The following ST3GAL2 variants were observed in gnomAD, a reference collection of about 807,000 sequenced individuals.
ST3GAL2 encodes the protein ST3 beta-galactoside alpha-2,3-sialyltransferase 2, also known as CMP-N-acetylneuraminate-beta-galactosamide-alpha-2,3-sialyltransferase 2.
ST3GAL2 carries 16 observed loss-of-function variants against 37.5 expected under a neutral mutation model. The observed-to-expected ratio is 0.43, with a 90% CI of 0.29 to 0.65. The LOEUF is 0.65. Ranked by LOEUF, ST3GAL2 falls within the 30% of genes least tolerant of loss-of-function variation. The pLI, the probability that ST3GAL2 is intolerant of heterozygous loss-of-function variation, is 0.17. For missense variants in ST3GAL2, 383 were observed against 487.8 expected (o/e 0.79, Z 2.02); for synonymous variants, 238 against 202.9 (o/e 1.17, Z -1.47).
At chr16:70,392,415 C>T (rs1290130580) in intron 3 of ST3GAL2, among the ~76,000 whole-genome samples, 1 of 152,224 alleles carries the variant, frequency 6.6e-6, no homozygotes, top group East Asian at 1.9e-4. Context: ...CCTCCAGCAG[C>T]TAAAGAAGTA....
intron 3 of ST3GAL2, chr16:70,393,729 G>A (rs1033390550): frequency 6.6e-6 from 1 of 152,164 alleles, no homozygotes; most frequent in African/African-American, 2.4e-5. Flanking sequence ...CGGGGTCCTG[G>A]ACAGGGTCCA....
At chr16:70,411,866 T>C (rs1353092917) in intron 1 of ST3GAL2, among the ~76,000 whole-genome samples, 2 of 151,888 alleles carry the variant, frequency 1.3e-5, no homozygotes, top group Non-Finnish European at 2.9e-5. Flanking sequence ...TGGTGGCGGA[T>C]GTCTGTAATC....
intron 1 of ST3GAL2, among the ~76,000 whole-genome samples, chr16:70,433,694 T>G (rs979010561): frequency 6.6e-6 from 1 of 152,208 alleles, no homozygotes; most frequent in Non-Finnish European, 1.5e-5. Flanking sequence ...TGGTTCCTGC[T>G]GCACCCACTC....
At chr16:70,397,789 A>C (rs2047527055) in intron 2 of ST3GAL2, among the ~76,000 whole-genome samples, 1 of 152,170 alleles carries the variant, frequency 6.6e-6, no homozygotes, top group Non-Finnish European at 1.5e-5. Flanking sequence ...TAGGATATTT[A>C]GTTTTAAAAT....
rs370372727 is a variant in ST3GAL2, at chr16:70,395,134, C to T, written c.381G>A (p.Val127=). The T allele has an allele frequency of 6.6e-5, 107 of 1,612,504 alleles. No individual in the cohort carries two copies. Among genetic ancestry groups the T allele is most frequent in the Non-Finnish European group, 8.0e-5 (94 of 1,179,392 alleles). The change falls in exon 3 of 7, where the codon GTG becomes GTA. Residue 127 remains valine (V), a synonymous_variant. Coordinates refer to ENST00000342907, the MANE Select transcript of ST3GAL2 (RefSeq NM_006927.4). The stretch of plus-strand genomic sequence containing the variant: ...GCACTATCTGGAACAGCTTCTCCAG[C>T]ACCTCATTGGTGTTGTGTGACTTGA... ...PQFKSHNTNE[V]LEKLFQIVPG...
At chr16:70,415,762 C>CTTCTT (rs2047672622) in intron 1 of ST3GAL2, among the ~76,000 whole-genome samples, 3 of 115,940 alleles carry the variant, frequency 2.6e-5, no homozygotes, top group African/African-American at 9.8e-5. Flanking sequence ...TTCCAAGATT[C>CTTCTT]TTTTTTTTTT....
At chr16:70,414,309 T>A (rs1184767495) in intron 1 of ST3GAL2, among the ~76,000 whole-genome samples, 1 of 152,172 alleles carries the variant, frequency 6.6e-6, no homozygotes, top group African/African-American at 2.4e-5. Flanking sequence ...GAAACTGCTC[T>A]CCCATTCCCA....
intron 1 of ST3GAL2, among the ~76,000 whole-genome samples, chr16:70,402,408 C>T (rs895446771): frequency 3.3e-5 from 5 of 151,050 alleles, no homozygotes; most frequent in Admixed American, 2.0e-4. Context: ...AACATTATAT[C>T]GAGCAAAAAG....
At chr16:70,388,232 C>T (rs959238359) in intron 4 of ST3GAL2, 135 bp downstream of exon 4, 2 of 1,124,996 alleles carry the variant, frequency 1.8e-6, no homozygotes, top group Non-Finnish European at 2.6e-6. Context: ...CACCCACCAA[C>T]TTAGGCCCTC....
intron 1 of ST3GAL2, among the ~76,000 whole-genome samples, chr16:70,432,842 G>A (rs1027330395): frequency 6.6e-6 from 1 of 152,202 alleles, no homozygotes; most frequent in African/African-American, 2.4e-5. Flanking sequence ...GGAACTGAAA[G>A]CACAGAAGGG....
At chr16:70,423,487 G>A (rs1347210639) in intron 1 of ST3GAL2, among the ~76,000 whole-genome samples, 3 of 152,084 alleles carry the variant, frequency 2.0e-5, no homozygotes, top group African/African-American at 4.8e-5. Flanking sequence ...TCCAACCTGG[G>A]TGACAGAGAA....
At chr16:70,409,342 C>G (rs1445274134) in intron 1 of ST3GAL2, among the ~76,000 whole-genome samples, 5 of 151,876 alleles carry the variant, frequency 3.3e-5, no homozygotes, top group African/African-American at 4.8e-5. Flanking sequence ...CTTCCCGCCT[C>G]TGGCGGCTTT....
At chr16:70,406,572 A>C (rs2047593568) in intron 1 of ST3GAL2, among the ~76,000 whole-genome samples, 2 of 151,896 alleles carry the variant, frequency 1.3e-5, no homozygotes, top group South Asian at 4.1e-4. Flanking sequence ...TCCTGAGGTT[A>C]GGAGTTTGAG....
At chr16:70,423,983 G>C (rs1453617863) in intron 1 of ST3GAL2, among the ~76,000 whole-genome samples, 3 of 151,774 alleles carry the variant, frequency 2.0e-5, no homozygotes. Context: ...GCATGAACTC[G>C]GGAGGCAGAG....
chr16:70,425,857 G>A (rs2047746114), intron 1 of ST3GAL2, among the ~76,000 whole-genome samples: 1 of 152,230 alleles, frequency 6.6e-6, no homozygotes, highest in Non-Finnish European at 1.5e-5. Flanking sequence ...CTGACGTTCA[G>A]GGATTCCTGG....
At position 70,379,343 on chromosome 16, in the gene ST3GAL2, C is replaced by G. The variant is rs1040410605; in HGVS notation, c.*2346G>C. 1.3e-5 allele frequency: 2 copies of G among 152,162 alleles called. No individual in the cohort carries two copies. The highest frequency in any genetic ancestry group is 2.9e-5 in the Non-Finnish European group (2 of 68,050). 9.4% of individuals were successfully genotyped at this position (152,162 alleles called of 1,614,324 possible). ...CCGCTCAGATTTCAGTGTCTTGGAG[C>G]GCAGAGTCCAGGAATGAGGTGCCTC... On this transcript the variant is annotated 3_prime_UTR_variant, in exon 7 of 7. Coordinates refer to ENST00000342907, the MANE Select transcript of ST3GAL2 (RefSeq NM_006927.4).
chr16:70,416,189 T>G (rs1378463383), intron 1 of ST3GAL2, among the ~76,000 whole-genome samples: 1 of 152,198 alleles, frequency 6.6e-6, no homozygotes, highest in Non-Finnish European at 1.5e-5. Flanking sequence ...TTTTACCTAT[T>G]TCTTTCAGCT....
intron 1 of ST3GAL2, among the ~76,000 whole-genome samples, chr16:70,427,746 C>T (rs187839250): frequency 6.6e-6 from 1 of 152,256 alleles, no homozygotes; most frequent in African/African-American, 2.4e-5. Flanking sequence ...CCTCTCACAG[C>T]CAATCTATTA....
At chr16:70,413,560 CAAAAAAA>C (rs978301918) in intron 1 of ST3GAL2, among the ~76,000 whole-genome samples, 25 of 32,082 alleles carry the variant, frequency 7.8e-4, no homozygotes, top group East Asian at 2.9e-3. Flanking sequence ...ATCAAAAATA[CAAAAAAA>C]AAAAAAAAAA....
Sources: gnomAD v4.1 joint callset for allele counts (sites outside exome capture counted in the v4.1 genomes callset) on GRCh38, gnomAD v4.1.1 for gene constraint, MANE v1.5 for transcripts, NCBI Gene and HGNC (gene_info 2026-07-23, HGNC 2026-07-21) for gene names.